Variants in SPATA1 observed in about 807,000 individuals in gnomAD.
SPATA1 encodes the protein spermatogenesis associated 1, also known as spermatogenesis-associated protein 1.
A neutral mutation model predicts 59.6 loss-of-function variants in SPATA1; 57 were observed. The ratio of observed to expected loss-of-function variants is 0.96; its 90% CI spans 0.77 to 1.19. SPATA1 has a LOEUF of 1.19. Among genes scored for constraint, SPATA1 ranks in the 50% most tolerant of loss-of-function variants. SPATA1 has a pLI of 0.00. For synonymous variants in SPATA1, 147 were observed against 163.9 expected (o/e 0.90, Z 0.79); for missense variants, 448 against 480.7 (o/e 0.93, Z 0.64).
At chr1:84,508,262 G>A (rs312396) in intron 1 of SPATA1, among the ~76,000 whole-genome samples, 2,622 of 149,948 alleles carry the variant, frequency 0.017, 68 homozygotes, top group African/African-American at 0.06. Context: ...CCAGCCTGGC[G>A]ACAGAGTGAG....
chr1:84,514,746 G>A (rs1250984906), intron 1 of SPATA1, among the ~76,000 whole-genome samples: 2 of 152,126 alleles, frequency 1.3e-5, no homozygotes, highest in Admixed American at 6.5e-5. Flanking sequence ...CGAGACGGGC[G>A]AATCACTTGA....
chr1:84,516,811 C>A (rs1461210484), intron 2 of SPATA1, among the ~76,000 whole-genome samples: 3 of 152,136 alleles, frequency 2.0e-5, no homozygotes, highest in Admixed American at 2.0e-4. Context: ...TACACCTGAG[C>A]AGCTGAACAT....
At chr1:84,523,790 A>G (rs1683116482) in intron 4 of SPATA1, among the ~76,000 whole-genome samples, 1 of 152,196 alleles carries the variant, frequency 6.6e-6, no homozygotes, top group South Asian at 2.1e-4. Context: ...CAAGCAGGCA[A>G]GAAAATGAAC....
exon 13 of SPATA1, chr1:84,553,481 T>C (rs1377425365): frequency 6.6e-6 from 1 of 152,318 alleles, no homozygotes; most frequent in African/African-American, 2.4e-5. Flanking sequence ...TGAATACTAA[T>C]ATATTTGCAT....
At chr1:84,564,561 T>A (rs1485671439) in intron 4 of SPATA1, among the ~76,000 whole-genome samples, 1 of 152,202 alleles carries the variant, frequency 6.6e-6, no homozygotes, top group Non-Finnish European at 1.5e-5. Flanking sequence ...TTATTTATGA[T>A]ACAAAGTATC....
At chr1:84,543,974 AT>A (rs752232610) in intron 8 of SPATA1, among the ~76,000 whole-genome samples, 1 of 152,134 alleles carries the variant, frequency 6.6e-6, no homozygotes, top group Non-Finnish European at 1.5e-5. Context: ...AAAATAACAG[AT>A]TTTTTTTAAA....
chr1:84,518,948 GTTTT>G (rs869289862), intron 2 of SPATA1, among the ~76,000 whole-genome samples: 3 of 151,634 alleles, frequency 2.0e-5, no homozygotes, highest in Non-Finnish European at 2.9e-5. Context: ...TATGTTTATT[GTTTT>G]TTAATTTTTA....
intron 4 of SPATA1, chr1:84,563,376 G>C (rs145768666): frequency 6.3e-7 from 1 of 1,582,344 alleles, no homozygotes; most frequent in African/African-American, 1.4e-5. Flanking sequence ...TCACTACAAG[G>C]AGCCCCCCGG....
chr1:84,540,765 C>T (rs1683871726), intron 8 of SPATA1, among the ~76,000 whole-genome samples: 1 of 152,220 alleles, frequency 6.6e-6, no homozygotes, highest in Non-Finnish European at 1.5e-5. Flanking sequence ...ACATTTAAAA[C>T]TCTCTGTAGA....
chr1:84,522,296 T>C (rs1683059072), intron 3 of SPATA1, 94 bp from the exon 4 acceptor site: 1 of 636,646 alleles, frequency 1.6e-6, no homozygotes, highest in African/African-American at 1.9e-5. Context: ...AAATCAACCT[T>C]TGTGTTTGAG....
intron 4 of SPATA1, among the ~76,000 whole-genome samples, chr1:84,564,854 T>A (rs1684662522): frequency 6.6e-6 from 1 of 151,768 alleles, no homozygotes; most frequent in Non-Finnish European, 1.5e-5. Flanking sequence ...CAACATAGTA[T>A]GACTCCATCT....
At chr1:84,563,982 T>A in intron 4 of SPATA1, 1 of 824,684 alleles carries the variant, frequency 1.2e-6, no homozygotes, top group Non-Finnish European at 1.7e-6. Context: ...AAACATCCCT[T>A]AAGAACCATA....
At chr1:84,538,487 G>C (rs545109547) in intron 8 of SPATA1, among the ~76,000 whole-genome samples, 5 of 152,098 alleles carry the variant, frequency 3.3e-5, no homozygotes, top group African/African-American at 4.8e-5. Flanking sequence ...TGTTTCTTAG[G>C]GGGTAGGAGA....
At chr1:84,513,233 T>C (rs1347400002) in intron 1 of SPATA1, among the ~76,000 whole-genome samples, 1 of 152,246 alleles carries the variant, frequency 6.6e-6, no homozygotes, top group Non-Finnish European at 1.5e-5. Context: ...TCTCCCGGGT[T>C]CAGGCAATTC....
intron 12 of SPATA1, chr1:84,552,965 C>A: frequency 9.5e-7 from 1 of 1,048,086 alleles, no homozygotes; most frequent in Non-Finnish European, 1.4e-6. Context: ...ACCCTGTTTA[C>A]ATGACAACTA....
intron 1 of SPATA1, among the ~76,000 whole-genome samples, chr1:84,515,767 TTTA>T (rs1682770320): frequency 6.6e-6 from 1 of 152,174 alleles, no homozygotes; most frequent in African/African-American, 2.4e-5. Context: ...GTTCACGTTT[TTTA>T]TTATTGAGGC....
chr1:84,548,768 T>C lies in SPATA1; in HGVS notation c.947-18T>C. 12 of 1,166,310 alleles carry C rather than the reference T, an allele frequency of 1.0e-5. No homozygotes were observed. The highest frequency in any genetic ancestry group is 1.2e-5 in the Non-Finnish European group (11 of 931,212). 72.2% of individuals were successfully genotyped at this position (1,166,310 alleles called of 1,614,324 possible). On this transcript the variant is annotated intron_variant, in intron 10 of 12. Transcript: ENST00000490879. ...GCCTTTCCTTTTTTTTTTTTTTTTT[T>C]TTTTTTTTTTTTTATAGCCTACAAT...
intron 4 of SPATA1, among the ~76,000 whole-genome samples, chr1:84,523,061 C>A (rs993012157): frequency 6.6e-6 from 1 of 151,974 alleles, no homozygotes; most frequent in East Asian, 1.9e-4. Flanking sequence ...TGCGACACCA[C>A]GCCCGGCTAA....
intron 1 of SPATA1, among the ~76,000 whole-genome samples, chr1:84,508,498 C>T (rs796350963): frequency 2.0e-5 from 3 of 152,278 alleles, no homozygotes; most frequent in African/African-American, 7.2e-5. Context: ...CCTGTTGTCA[C>T]CAAGAGGATT....
Sources: allele counts gnomAD v4.1 joint callset (sites outside exome capture counted in the v4.1 genomes callset), GRCh38; gene constraint gnomAD v4.1.1; transcripts MANE v1.5; gene names NCBI Gene and HGNC (gene_info 2026-07-23, HGNC 2026-07-21).